Variants in PTPRD observed in about 807,000 individuals in gnomAD.
PTPRD encodes protein tyrosine phosphatase receptor type D.
In PTPRD, 34 loss-of-function variants were observed where a neutral mutation model predicts 214.5. The observed-to-expected ratio is 0.16, with a 90% CI of 0.12 to 0.21. The LOEUF (loss-of-function observed/expected upper bound fraction) is 0.21, where lower values mean the gene tolerates loss of function less well. Ranked by LOEUF, PTPRD falls within the 10% of genes least tolerant of loss-of-function variation. The pLI is 1.00. For synonymous variants in PTPRD, 1,128 were observed against 845.7 expected (o/e 1.33, Z -5.79); for missense variants, 2,545 against 2,398.7 (o/e 1.06, Z -1.27).
At chr9:10,150,951 G>T (rs1308577572) in intron 3 of PTPRD, among the ~76,000 whole-genome samples, 2 of 151,864 alleles carry the variant, frequency 1.3e-5, no homozygotes. Context: ...TAAAAGCTTA[G>T]CCTTGTCACT....
At chr9:9,367,410 C>T (rs1477462092) in intron 9 of PTPRD, among the ~76,000 whole-genome samples, 1 of 151,600 alleles carries the variant, frequency 6.6e-6, no homozygotes, top group Non-Finnish European at 1.5e-5. Context: ...AGTCTTCTTT[C>T]ACCACATTGA....
At chr9:10,442,679 T>G (rs115727316) in intron 2 of PTPRD, among the ~76,000 whole-genome samples, 2,129 of 151,560 alleles carry the variant, frequency 0.014, 40 homozygotes, top group African/African-American at 0.046. Flanking sequence ...ATTTGAAAAT[T>G]TGTAGGTTAG....
At chr9:8,398,687 G>A (rs754417892) in intron 36 of PTPRD, among the ~76,000 whole-genome samples, 14 of 152,002 alleles carry the variant, frequency 9.2e-5, no homozygotes, top group African/African-American at 2.9e-4. Flanking sequence ...TTTTTCTATC[G>A]TTTTGGCCAT....
At chr9:9,595,505 C>T (rs595134) in intron 7 of PTPRD, among the ~76,000 whole-genome samples, 54,683 of 149,018 alleles carry the variant, frequency 0.37, 10,420 homozygotes, top group Non-Finnish European at 0.4. Flanking sequence ...TACACATGTA[C>T]ACATATGCAT....
chr9:8,533,190 G>C (rs1233332430), intron 14 of PTPRD, among the ~76,000 whole-genome samples: 3 of 152,014 alleles, frequency 2.0e-5, no homozygotes, highest in African/African-American at 7.2e-5. Context: ...TTGTAAGGAA[G>C]CCAGGAAAAT....
At chr9:9,785,493 G>C (rs1269493949) in intron 5 of PTPRD, among the ~76,000 whole-genome samples, 2 of 151,970 alleles carry the variant, frequency 1.3e-5, no homozygotes, top group Non-Finnish European at 2.9e-5. Flanking sequence ...CAGAACCTTA[G>C]TCTAATCATT....
At chr9:9,096,092 G>A (rs1054286732) in intron 10 of PTPRD, among the ~76,000 whole-genome samples, 3 of 152,174 alleles carry the variant, frequency 2.0e-5, no homozygotes, top group Non-Finnish European at 4.4e-5. Context: ...GAAATGGGGA[G>A]ATGTAGGTCA....
chr9:10,356,774 A>T (rs890741809), intron 2 of PTPRD, among the ~76,000 whole-genome samples: 1 of 151,974 alleles, frequency 6.6e-6, no homozygotes, highest in Admixed American at 6.6e-5. Flanking sequence ...CTGTCTCCCA[A>T]GTTCAAGGGG....
chr9:9,869,174 TCAAG>T (rs1304917941), intron 5 of PTPRD, among the ~76,000 whole-genome samples: 1 of 152,176 alleles, frequency 6.6e-6, no homozygotes. Context: ...AGGGAATCAA[TCAAG>T]CATTATCTTG....
chr9:8,854,986 C>T (rs78777018), intron 11 of PTPRD, among the ~76,000 whole-genome samples: 1,797 of 152,224 alleles, frequency 0.012, 50 homozygotes, highest in South Asian at 0.087. Context: ...ATTTTTCACA[C>T]TCTATATGGA....
Position 9,625,145 on chromosome 9 carries a change from T to C in PTPRD, c.-286-50364A>G, listed in dbSNP as rs116721736. Among the ~76,000 whole-genome samples the C allele has an allele frequency of 4.7e-3, 718 of 152,314 alleles. 6 individuals are homozygous for C. Among genetic ancestry groups the C allele is most frequent in the African/African-American group, 0.016 (685 of 41,568 alleles). ...ACAGTAGTTCTTGGACCTGCCTTTA[T>C]TCAGTCCTTATCCAGGATTGTTTCC... On this transcript the variant is annotated intron_variant, in intron 7 of 45. Coordinates refer to ENST00000381196, the MANE Select transcript of PTPRD (RefSeq NM_002839.4).
At chr9:9,278,214 C>A (rs567539620) in intron 9 of PTPRD, among the ~76,000 whole-genome samples, 5 of 151,078 alleles carry the variant, frequency 3.3e-5, no homozygotes, top group African/African-American at 1.2e-4. Flanking sequence ...TTTGTTTAAC[C>A]GGTTATCTCT....
At chr9:10,499,755 C>T (rs1393416032) in intron 2 of PTPRD, among the ~76,000 whole-genome samples, 1 of 134,540 alleles carries the variant, frequency 7.4e-6, no homozygotes. Context: ...CACCATGTCC[C>T]ACATTAAGTT....
At position 9,251,822 on chromosome 9, in the gene PTPRD, T is replaced by C. The variant is rs888404538; in HGVS notation, c.-202-68459A>G. ...ATAACTGCTCTAGAATTATTGTTTA[T>C]AATATTTTTGAAATATCAGATTTAG... On this transcript the variant is annotated intron_variant, in intron 9 of 45. Coordinates refer to ENST00000381196, the MANE Select transcript of PTPRD (RefSeq NM_002839.4). Among the ~76,000 whole-genome samples the C allele has an allele frequency of 5.9e-5, 9 of 152,238 alleles. No homozygotes were observed. In the South Asian group the frequency reaches 1.0e-3, roughly 18 times the overall value.
chr9:8,918,505 A>G (rs1373090317), intron 11 of PTPRD, among the ~76,000 whole-genome samples: 1 of 152,128 alleles, frequency 6.6e-6, no homozygotes, highest in Non-Finnish European at 1.5e-5. Context: ...CAGACCAAAT[A>G]ACAGCCTCAT....
intron 34 of PTPRD, among the ~76,000 whole-genome samples, chr9:8,449,459 G>T (rs1370904809): frequency 1.3e-5 from 2 of 152,168 alleles, no homozygotes; most frequent in African/African-American, 2.4e-5. Context: ...CATAAAAATG[G>T]TAGATATTAT....
At chr9:9,225,221 GA>G (rs1043473426) in intron 9 of PTPRD, among the ~76,000 whole-genome samples, 4 of 151,882 alleles carry the variant, frequency 2.6e-5, no homozygotes, top group African/African-American at 9.7e-5. Flanking sequence ...GGTTTCTAGA[GA>G]AAAAAATTTT....
intron 3 of PTPRD, among the ~76,000 whole-genome samples, chr9:10,331,115 A>ACTCT (rs2096742194): frequency 6.6e-6 from 1 of 151,720 alleles, no homozygotes; most frequent in South Asian, 2.1e-4. Context: ...TACTCCATCA[A>ACTCT]CTCTCACAAT....
At chr9:9,436,675 GA>G (rs906344327) in intron 8 of PTPRD, among the ~76,000 whole-genome samples, 12 of 148,118 alleles carry the variant, frequency 8.1e-5, no homozygotes, top group African/African-American at 1.2e-4. Context: ...TTCAGGAATT[GA>G]AAAAAAAAAT....
Sources: gnomAD v4.1 joint callset for allele counts (sites outside exome capture counted in the v4.1 genomes callset) on GRCh38, gnomAD v4.1.1 for gene constraint, MANE v1.5 for transcripts, NCBI Gene and HGNC (gene_info 2026-07-23, HGNC 2026-07-21) for gene names.